The following HEATR5B variants were observed in gnomAD, a reference collection of about 807,000 sequenced individuals.
HEATR5B encodes the protein HEAT repeat containing 5B, also known as HEAT repeat-containing protein 5B.
Under a neutral mutation model 224.1 loss-of-function variants are expected in HEATR5B, and 156 were observed. That is an observed-to-expected ratio of 0.70 (90% confidence interval 0.61 to 0.80). The LOEUF (loss-of-function observed/expected upper bound fraction) is 0.80, where lower values mean the gene tolerates loss of function less well. Ranked by LOEUF, HEATR5B falls within the 30% of genes least tolerant of loss-of-function variation. HEATR5B has a pLI of 0.00. For synonymous variants in HEATR5B, 1,027 were observed against 893.0 expected (o/e 1.15, Z -2.68); for missense variants, 2,323 against 2,535.5 (o/e 0.92, Z 1.80).
At chr2:36,997,105 A>ATTATTGTCAGTT (rs932490648) in intron 33 of HEATR5B, among the ~76,000 whole-genome samples, 2 of 147,344 alleles carry the variant, frequency 1.4e-5, no homozygotes, top group African/African-American at 5.1e-5. Context: ...AGACATAAAT[A>ATTATTGTCAGTT]TTATTGTCAG....
intron 33 of HEATR5B, among the ~76,000 whole-genome samples, chr2:36,992,215 AAAC>A (rs1338908684): frequency 1.3e-5 from 2 of 151,612 alleles, no homozygotes; most frequent in Non-Finnish European, 2.9e-5. Flanking sequence ...ACAAACAAAA[AAAC>A]AAACAAAAGA....
chr2:36,994,464 A>C (rs1558701446), intron 33 of HEATR5B, among the ~76,000 whole-genome samples: 1 of 152,184 alleles, frequency 6.6e-6, no homozygotes, highest in South Asian at 2.1e-4. Context: ...GAAATACTCT[A>C]TTATAAAACT....
In HEATR5B at chr2:37,013,906, T is replaced by C; in HGVS notation, c.4219A>G (p.Ser1407Gly). 1 of 1,613,374 alleles carries C rather than the reference T, an allele frequency of 6.2e-7. No homozygotes were observed. The highest frequency in any genetic ancestry group is 8.5e-7 in the Non-Finnish European group (1 of 1,179,630). The change falls in exon 27 of 36, where the codon AGC becomes GGC. Residue 1407 changes from serine to glycine, a missense_variant. By Grantham distance (56) the Ser-to-Gly change is moderately conservative (BLOSUM62 0). Coordinates refer to ENST00000233099, the MANE Select transcript of HEATR5B (RefSeq NM_019024.3). ...GTGGCACTCTCTCGGTACAGCTGGC[T>C]GGAAGATCCTTTTCCAGCCTGAACT... ...DKVQAGKGSS[S>G]QLYRESATTM...
intron 24 of HEATR5B, among the ~76,000 whole-genome samples, chr2:37,024,613 G>A (rs1362659699): frequency 2.0e-5 from 3 of 152,052 alleles, no homozygotes. Flanking sequence ...AAACAAACAA[G>A]AATGAGGTAT....
intron 33 of HEATR5B, among the ~76,000 whole-genome samples, chr2:36,999,582 G>C (rs936518008): frequency 2.6e-5 from 4 of 151,928 alleles, no homozygotes; most frequent in Non-Finnish European, 4.4e-5. Flanking sequence ...GGGAGGCTGA[G>C]GCATGAGAAT....
chr2:37,080,745 AGATG>A (rs1672506293), intron 2 of HEATR5B, among the ~76,000 whole-genome samples: 2 of 152,092 alleles, frequency 1.3e-5, no homozygotes, highest in Non-Finnish European at 2.9e-5. Context: ...TCATACAATT[AGATG>A]ATATCACTGA....
Position 37,008,688 on chromosome 2 carries a change from C to T in HEATR5B, c.4445G>A (p.Arg1482His), listed in dbSNP as rs149680203. The part of the protein sequence containing the change: ...LVQPELPTLS[R>H]LWLAALKDYA... ...ATCTTTTAATGCTGCTAACCACAGG[C>T]GACTGAGTGTTGGTAGTTCAGGTTG... The change falls in exon 28 of 36, where the codon CGC becomes CAC. Residue 1482 changes from arginine to histidine, a missense_variant. Transcript: ENST00000233099. 1.2e-4 allele frequency: 201 copies of T among 1,613,964 alleles called. No individual in the cohort carries two copies. Among genetic ancestry groups the T allele is most frequent in the Non-Finnish European group, 1.7e-4 (195 of 1,180,026 alleles).
At chr2:36,993,457 A>T (rs1558699927) in intron 33 of HEATR5B, among the ~76,000 whole-genome samples, 1 of 151,832 alleles carries the variant, frequency 6.6e-6, no homozygotes, top group Non-Finnish European at 1.5e-5. Context: ...GAATTGCTTG[A>T]ACATAGGAGG....
In HEATR5B at chr2:37,038,114, C is replaced by T. The variant is rs1669624248; in HGVS notation, c.3047-90G>A. ...AGTAAACAATTATCCTCTAAATAAC[C>T]ATTCTATCCAATTATTATTCAGGTT... On this transcript the variant is annotated intron_variant, in intron 20 of 35. Transcript: ENST00000233099. 11 of 861,358 alleles carry T rather than the reference C, an allele frequency of 1.3e-5. No homozygotes were observed. In the East Asian group the frequency reaches 2.5e-4, roughly 19 times the overall value. 53.4% of individuals were successfully genotyped at this position (861,358 alleles called of 1,614,324 possible). A position where few individuals can be genotyped will look rare whatever the true frequency, so the allele number is the denominator to read the frequency against.
At chr2:37,051,354 CAAAAAAAAAAAAA>C (rs11313174) in intron 17 of HEATR5B, among the ~76,000 whole-genome samples, 4 of 66,068 alleles carry the variant, frequency 6.1e-5, no homozygotes, top group Admixed American at 3.8e-4. Context: ...AACTCCATCT[CAAAAAAAAAAAAA>C]AAAAAAAAAA....
intron 10 of HEATR5B, among the ~76,000 whole-genome samples, chr2:37,063,010 G>C (rs1671376665): frequency 6.6e-6 from 1 of 152,062 alleles, no homozygotes; most frequent in Admixed American, 6.6e-5. Flanking sequence ...ATGTTTCCCA[G>C]GTTGGTCTCA....
chr2:37,029,116 C>T (rs888332273), intron 22 of HEATR5B, among the ~76,000 whole-genome samples, 196 bp from the exon 23 acceptor site: 7 of 152,104 alleles, frequency 4.6e-5, no homozygotes, highest in African/African-American at 1.4e-4. Flanking sequence ...AGTAATACCT[C>T]GAACTGTAAA....
intron 22 of HEATR5B, among the ~76,000 whole-genome samples, chr2:37,031,691 G>A (rs1056046578): frequency 7.2e-5 from 11 of 151,826 alleles, no homozygotes; most frequent in South Asian, 2.1e-4. Context: ...CTACAATACC[G>A]TATATCTGTT....
rs1467533185 is a variant in HEATR5B, at chr2:37,042,973, G to GA, written c.2697-1682dup. Among the ~76,000 whole-genome samples the GA allele has an allele frequency of 6.6e-5, 10 of 151,786 alleles. No homozygotes were observed. The East Asian group carries it at 1.9e-3, about 29-fold the overall frequency. ...GAAGACCACACCCATCAATTTGAGA[G>GA]AAAATAATGCATCTTATCTGTGCCC... On this transcript the variant is annotated intron_variant, in intron 18 of 35. Coordinates refer to ENST00000233099, the MANE Select transcript of HEATR5B (RefSeq NM_019024.3).
chr2:37,002,343 G>A lies in HEATR5B; in HGVS notation c.5280C>T (p.Thr1760=), dbSNP rs1285072568. The A allele has an allele frequency of 5.6e-6, 9 of 1,614,226 alleles. No individual in the cohort carries two copies. Among genetic ancestry groups the A allele is most frequent in the Non-Finnish European group, 6.8e-6 (8 of 1,180,034 alleles). ...ESARLVAATV[T]ILSDLPSLCS... ...AAAGGGATGGTAAATCAGAGAGTAT[G>A]GTAACTGTGGCTGCCACCAAACGAG... Residue 1760 remains threonine, a synonymous_variant, in exon 32 of 36, where the codon ACC becomes ACT. Coordinates refer to ENST00000233099, the MANE Select transcript of HEATR5B (RefSeq NM_019024.3).
intron 24 of HEATR5B, among the ~76,000 whole-genome samples, chr2:37,021,191 A>G (rs1248311293): frequency 1.3e-5 from 2 of 152,244 alleles, no homozygotes; most frequent in Non-Finnish European, 2.9e-5. Flanking sequence ...ATGAAAGAAA[A>G]CAGACTCTTG....
intron 35 of HEATR5B, among the ~76,000 whole-genome samples, chr2:36,984,854 G>C (rs1298158981): frequency 1.3e-5 from 2 of 152,082 alleles, no homozygotes; most frequent in African/African-American, 4.8e-5. Flanking sequence ...AACTATTATA[G>C]TTATCTATTT....
At chr2:37,033,082 C>T (rs912351791) in intron 21 of HEATR5B, among the ~76,000 whole-genome samples, 24 of 151,814 alleles carry the variant, frequency 1.6e-4, no homozygotes, top group African/African-American at 4.6e-4. Context: ...GTTTTCACCA[C>T]GTTGGCCAGG....
intron 35 of HEATR5B, 32 bp downstream of exon 35, chr2:36,988,614 G>A: frequency 1.3e-6 from 2 of 1,527,702 alleles, no homozygotes; most frequent in Non-Finnish European, 1.8e-6. Flanking sequence ...TCTTCATTCT[G>A]AACTAGTAGC....
Sources: allele counts gnomAD v4.1 joint callset (sites outside exome capture counted in the v4.1 genomes callset), GRCh38; gene constraint gnomAD v4.1.1; transcripts MANE v1.5; gene names NCBI Gene and HGNC (gene_info 2026-07-23, HGNC 2026-07-21).